Variants in GRM7 observed in about 807,000 individuals in gnomAD.
GRM7 encodes the protein metabotropic glutamate receptor 7.
A neutral mutation model predicts 84.5 loss-of-function variants in GRM7; 35 were observed. That is an observed-to-expected ratio of 0.41 (90% CI 0.32 to 0.55). The LOEUF (loss-of-function observed/expected upper bound fraction) is 0.55. GRM7 is among the 20% of genes least tolerant of loss of function. The probability of loss-of-function intolerance (pLI) is 0.19; values close to 1 mark genes in which losing one functional copy is unlikely to be tolerated. For missense variants in GRM7, 1,003 were observed against 1,194.6 expected (o/e 0.84, Z 2.36); for synonymous variants, 487 against 455.1 (o/e 1.07, Z -0.89).
chr3:7,463,005 G>GC (rs1698312809), intron 7 of GRM7, among the ~76,000 whole-genome samples: 1 of 118,282 alleles, frequency 8.5e-6, no homozygotes, highest in South Asian at 3.7e-4. Flanking sequence ...ACTCAAGGTG[G>GC]GGGAGTAGTA....
Position 6,861,413 on chromosome 3 carries a change from C to G in GRM7, c.25C>G (p.Arg9Gly). Residue 9 changes from arginine (R) to glycine (G), a missense_variant, in exon 1 of 10, where the codon CGC (arginine) becomes GGC (glycine). Arg to Gly is a moderately radical substitution (Grantham distance 125). This residue lies in a region of GRM7 where 93 missense variants were observed against 68.6 expected (regional missense o/e 1.36). Transcript: ENST00000357716. This position sits in a 1 kb window ranked among gnomAD's most constrained non-coding sequence, Gnocchi z 6.4. ...CATGGTCCAGCTGAGGAAGCTGCTC[C>G]GCGTCCTGACTTTGATGAAGTTCCC... MVQLRKLL[R>G]VLTLMKFPCC... 1 of 1,593,444 alleles carries G rather than the reference C, an allele frequency of 6.3e-7. No homozygotes were observed. Among genetic ancestry groups the G allele is most frequent in the African/African-American group, 1.3e-5 (1 of 74,280 alleles).
rs1387026609 is a variant in GRM7, at chr3:7,572,879, T to TATATATATATATATAA, written c.1516-5542_1516-5541insTATATATATATATAAA. ...ATATATATATATATATATATATATA[T>TATATATATATATATAA]AAATAATCTTTCTACCTATAATAAT... On this transcript the variant is annotated intron_variant, in intron 7 of 9. Coordinates refer to ENST00000357716, the MANE Select transcript of GRM7 (RefSeq NM_000844.4). Among the ~76,000 whole-genome samples, 3 of 66,142 alleles carry TATATATATATATATAA rather than the reference T, an allele frequency of 4.5e-5. 1 individual carries two copies. Among genetic ancestry groups the TATATATATATATATAA allele is most frequent in the Non-Finnish European group, 1.0e-4 (3 of 29,620 alleles). The allele number at this position is 66,142 out of a possible 152,430, so 43.4% of individuals were successfully genotyped here. A position where few individuals can be genotyped will look rare whatever the true frequency, so the allele number is the denominator to read the frequency against.
intron 7 of GRM7, among the ~76,000 whole-genome samples, chr3:7,519,168 T>C (rs1700499420): frequency 6.6e-6 from 1 of 152,184 alleles, no homozygotes; most frequent in Admixed American, 6.5e-5. Flanking sequence ...AGCCATTTCT[T>C]AGTAGAACTT....
intron 5 of GRM7, among the ~76,000 whole-genome samples, chr3:7,447,739 AT>A (rs1697579176): frequency 2.1e-5 from 3 of 140,736 alleles, no homozygotes; most frequent in South Asian, 4.4e-4. Context: ...TTTTTTTTTA[AT>A]ATTTATTTTA....
intron 8 of GRM7, among the ~76,000 whole-genome samples, chr3:7,648,378 G>A (rs1698758328): frequency 6.6e-6 from 1 of 151,970 alleles, no homozygotes; most frequent in South Asian, 2.1e-4. Flanking sequence ...CGGGTGCAGT[G>A]GCTCACATCT....
intron 9 of GRM7, among the ~76,000 whole-genome samples, chr3:7,730,313 T>TTG (rs1343681952): frequency 1.3e-5 from 2 of 152,086 alleles, no homozygotes; most frequent in African/African-American, 4.8e-5. Context: ...GCCTGTTTTT[T>TTG]TGTTTGTTTG....
At chr3:7,446,881 C>A (rs1553599535) in intron 5 of GRM7, among the ~76,000 whole-genome samples, 1 of 152,092 alleles carries the variant, frequency 6.6e-6, no homozygotes, top group African/African-American at 2.4e-5. Context: ...GAGCAGTATG[C>A]TGAATGGGCA....
At chr3:7,693,673 T>G in intron 9 of GRM7, 1 of 1,528,634 alleles carries the variant, frequency 6.5e-7, no homozygotes, top group African/African-American at 1.4e-5. Flanking sequence ...CACTGGCATC[T>G]AGTCAAGCGA....
At chr3:7,338,302 G>A (rs1268080621) in intron 4 of GRM7, among the ~76,000 whole-genome samples, 2 of 151,898 alleles carry the variant, frequency 1.3e-5, no homozygotes, top group African/African-American at 4.8e-5. Flanking sequence ...TTATGAGGAT[G>A]CAAAGGCATA....
intron 9 of GRM7, among the ~76,000 whole-genome samples, chr3:7,731,606 G>T (rs1702333559): frequency 1.3e-5 from 2 of 152,172 alleles, no homozygotes; most frequent in South Asian, 4.1e-4. Context: ...CTAAAGGGAG[G>T]CCACCAGGCT....
At chr3:7,599,118 G>T (rs1181828491) in intron 8 of GRM7, among the ~76,000 whole-genome samples, 1 of 152,072 alleles carries the variant, frequency 6.6e-6, no homozygotes, top group Non-Finnish European at 1.5e-5. Context: ...CTTCCTAGGG[G>T]CCTGTCATCA....
intron 1 of GRM7, among the ~76,000 whole-genome samples, chr3:7,046,467 A>T (rs1409558866): frequency 2.6e-5 from 4 of 152,142 alleles, no homozygotes; most frequent in Non-Finnish European, 5.9e-5. Flanking sequence ...ATTGAATGTT[A>T]ATATAGTGGG....
chr3:7,727,288 T>C (rs1159730784), intron 9 of GRM7, among the ~76,000 whole-genome samples: 1 of 152,202 alleles, frequency 6.6e-6, no homozygotes, highest in Non-Finnish European at 1.5e-5. Context: ...ATCATGAACA[T>C]CTTAATGCAG....
intron 2 of GRM7, among the ~76,000 whole-genome samples, chr3:7,187,920 C>T (rs1695575404): frequency 6.6e-6 from 1 of 152,134 alleles, no homozygotes; most frequent in Admixed American, 6.5e-5. Flanking sequence ...CACCTCCTAC[C>T]TCAGTTGTCT....
At chr3:7,190,114 A>G (rs1307783468) in intron 2 of GRM7, among the ~76,000 whole-genome samples, 1 of 152,142 alleles carries the variant, frequency 6.6e-6, no homozygotes, top group Non-Finnish European at 1.5e-5. Flanking sequence ...TTGTGTCCTA[A>G]GCCAGGAGCC....
chr3:7,168,959 A>T (rs890552008), intron 2 of GRM7, among the ~76,000 whole-genome samples: 1 of 152,248 alleles, frequency 6.6e-6, no homozygotes, highest in Non-Finnish European at 1.5e-5. Context: ...CTGCATTCTT[A>T]TATGTGCATA....
intron 7 of GRM7, among the ~76,000 whole-genome samples, chr3:7,569,130 G>A (rs765848361): frequency 1.3e-5 from 2 of 152,164 alleles, no homozygotes; most frequent in Non-Finnish European, 2.9e-5. Context: ...TCAGCACTCT[G>A]TATCTAGCTC....
At chr3:7,313,208 C>T (rs941659726) in intron 4 of GRM7, among the ~76,000 whole-genome samples, 9 of 152,070 alleles carry the variant, frequency 5.9e-5, no homozygotes, top group Non-Finnish European at 1.0e-4. Context: ...GGATTACAGG[C>T]GTGACCCACT....
At chr3:7,190,081 C>A (rs528864869) in intron 2 of GRM7, among the ~76,000 whole-genome samples, 1 of 152,130 alleles carries the variant, frequency 6.6e-6, no homozygotes, top group Non-Finnish European at 1.5e-5. Context: ...TTATAAAGTT[C>A]TCCTATCTGT....
Sources: gnomAD v4.1 joint callset for allele counts (sites outside exome capture counted in the v4.1 genomes callset) on GRCh38, gnomAD v4.1.1 for gene constraint, gnomAD v4.1.1 regional missense constraint, Gnocchi (gnomAD v3.1) non-coding constraint, MANE v1.5 for transcripts, NCBI Gene and HGNC (gene_info 2026-07-23, HGNC 2026-07-21) for gene names.